Variants in BRD8 observed in about 807,000 individuals in gnomAD.
BRD8 encodes bromodomain containing 8.
In BRD8, 67 loss-of-function variants were observed where a neutral mutation model predicts 143.1. The observed-to-expected ratio is 0.47, with a 90% CI of 0.38 to 0.57. The LOEUF is 0.57. BRD8 is among the 20% of genes least tolerant of loss of function. The pLI, the probability that BRD8 is intolerant of heterozygous loss-of-function variation, is 0.00. For missense variants in BRD8, 1,103 were observed against 1,503.0 expected, an observed-to-expected ratio of 0.73 and a Z score of 4.40; for synonymous variants, 505 against 517.1, an observed-to-expected ratio of 0.98 and a Z score of 0.32.
At position 138,140,134 on chromosome 5, in the gene BRD8, G is replaced by A; in HGVS notation, c.3648C>T (p.Gly1216=). 6.2e-7 allele frequency: 1 copy of A among 1,613,836 alleles called. No individual in the cohort carries two copies. Among genetic ancestry groups the A allele is most frequent in the Non-Finnish European group, 8.5e-7 (1 of 1,179,766 alleles). ...CTGGTTCTCCTTCCAGACTACTTGA[G>A]CCTTTTCTTTTGTCTAACCAGATAT... ...VLNIWLDKRK[G]SSSLEGEPAN... is the part of the protein sequence containing the mutation. The change falls in exon 27 of 27, where the codon GGC becomes GGT. Residue 1216 remains glycine, a synonymous_variant. Coordinates refer to ENST00000254900, the MANE Select transcript of BRD8 (RefSeq NM_139199.2).
At chr5:138,160,295 C>A in intron 18 of BRD8, 122 bp from the exon 19 acceptor site, 1 of 688,440 alleles carries the variant, frequency 1.5e-6, no homozygotes, top group Non-Finnish European at 2.5e-6. Flanking sequence ...TATATTTTGA[C>A]TGATTGGAAG....
intron 2 of BRD8, among the ~76,000 whole-genome samples, chr5:138,176,747 A>G (rs1429202961): frequency 2.0e-5 from 3 of 152,104 alleles, no homozygotes; most frequent in Non-Finnish European, 4.4e-5. Flanking sequence ...ATTATATTGT[A>G]CATTTTAAGT....
chr5:138,165,743 A>C (rs1753358607), intron 11 of BRD8, 85 bp downstream of exon 11: 2 of 1,389,312 alleles, frequency 1.4e-6, no homozygotes, highest in African/African-American at 1.5e-5. Context: ...AAAAAAAAAA[A>C]AGCAGCAGCA....
chr5:138,149,957 G>C (rs1226017918), intron 22 of BRD8, among the ~76,000 whole-genome samples, 160 bp from the exon 23 acceptor site: 1 of 152,158 alleles, frequency 6.6e-6, no homozygotes, highest in African/African-American at 2.4e-5. Flanking sequence ...CTAGATTTAA[G>C]TTAATGAGTT....
At chr5:138,144,002 C>T (rs748116507) in intron 25 of BRD8, among the ~76,000 whole-genome samples, 2 of 152,332 alleles carry the variant, frequency 1.3e-5, no homozygotes, top group South Asian at 2.1e-4. Flanking sequence ...TCTTGCTGCT[C>T]CTCACTCTTT....
chr5:138,152,581 T>C lies in BRD8; in HGVS notation c.2757A>G (p.Arg919=). 6.2e-7 allele frequency: 1 copy of C among 1,614,214 alleles called. No individual in the cohort carries two copies. The change falls in exon 21 of 27, where the codon AGA becomes AGG. Residue 919 remains arginine, a synonymous_variant. Transcript: ENST00000254900. The part of the protein sequence containing the change: ...AEELEESSPE[R]EPSELLVGDG... ...CCCCAACAAGCAGTTCACTAGGTTC[T>C]CTCTCCGGGCTGCTTTCCTCTAGTT...
chr5:138,157,427 G>A (rs912232105), intron 20 of BRD8, among the ~76,000 whole-genome samples: 1 of 152,098 alleles, frequency 6.6e-6, no homozygotes, highest in African/African-American at 2.4e-5. Flanking sequence ...CCCACAGAGT[G>A]GCTAAAGAAC....
intron 2 of BRD8, 94 bp from the exon 3 acceptor site, chr5:138,172,228 A>T: frequency 9.3e-7 from 1 of 1,072,588 alleles, no homozygotes. Flanking sequence ...ACTTTGGAAT[A>T]AAAAAGATGC....
rs757405786 is a variant in BRD8, at chr5:138,166,060, T to C, written c.1046A>G (p.His349Arg). The C allele has an allele frequency of 6.2e-7, 1 of 1,614,120 alleles. No homozygotes were observed. Residue 349 changes from histidine (H) to arginine (R), a missense_variant, in exon 11 of 27, where the codon CAT (histidine) becomes CGT (arginine). His to Arg is a conservative substitution (Grantham distance 29). This residue lies in a region of BRD8 where 334 missense variants were observed against 372.5 expected (regional missense o/e 0.90). Transcript: ENST00000254900. ...CVPMEAVGDPHTVTVSMDSSE... is the reference protein window; with the variant it reads ...CVPMEAVGDPRTVTVSMDSSE... ...GCTGTCCATGGAAACAGTCACAGTA[T>C]GTGGATCCCCCACAGCCTCCATGGG...
intron 25 of BRD8, among the ~76,000 whole-genome samples, chr5:138,141,393 G>A (rs1409193599): frequency 6.6e-6 from 1 of 152,222 alleles, no homozygotes; most frequent in African/African-American, 2.4e-5. Flanking sequence ...GCCTCCCAAA[G>A]TACTGGGATT....
Position 138,164,776 on chromosome 5 carries a change from C to T in BRD8, c.1669G>A (p.Val557Ile), listed in dbSNP as rs1753266675. The change falls in exon 12 of 27, where the codon GTT becomes ATT. Residue 557 changes from valine (V) to isoleucine (I), a missense_variant. By Grantham distance (29) the Val-to-Ile change is conservative (BLOSUM62 3). Coordinates refer to ENST00000254900, the MANE Select transcript of BRD8 (RefSeq NM_139199.2). ...TTCCCAATGGCAACATCTGCTTCAA[C>T]AATCTCTCCAGCTGCAGTACTTCCC... ...ELGSTAAGEI[V>I]EADVAIGKGD... The T allele has an allele frequency of 3.1e-6, 5 of 1,614,242 alleles. No homozygotes were observed. The highest frequency in any genetic ancestry group is 4.2e-6 in the Non-Finnish European group (5 of 1,180,046).
At chr5:138,151,687 G>A (rs950414838) in intron 21 of BRD8, among the ~76,000 whole-genome samples, 7 of 152,010 alleles carry the variant, frequency 4.6e-5, no homozygotes, top group East Asian at 1.9e-4. Flanking sequence ...CTTTTGAGAC[G>A]GAGTCTCGCT....
rs1194407925 is a variant in BRD8, at chr5:138,166,523, G to A, written c.992C>T (p.Ala331Val). 6.2e-7 allele frequency: 1 copy of A among 1,605,886 alleles called. No individual in the cohort carries two copies. Among genetic ancestry groups the A allele is most frequent in the Non-Finnish European group, 8.5e-7 (1 of 1,175,038 alleles). ...GTGGCTGCTCAGGGACGCACCTGGA[G>A]CTACACTTTCAGTAGTGGAGACAGC... ...APAVSTTESV[A>V]PVSQPDNCVP... The change falls in exon 10 of 27, where the codon GCT becomes GTT. Residue 331 changes from alanine to valine, a missense_variant. By Grantham distance (64) the Ala-to-Val change is moderately conservative. Around this residue, in one of 7 missense-constraint regions of BRD8, gnomAD observed 334 missense variants for 372.5 expected, o/e 0.90. Coordinates refer to ENST00000254900, the MANE Select transcript of BRD8 (RefSeq NM_139199.2).
rs187788601 is a variant in BRD8 at position 138,141,116 on chromosome 5, G to A, written c.3438-234C>T. 9.5e-4 allele frequency among the ~76,000 whole-genome samples: 144 copies of A among 151,706 alleles called. 1 individual carries two copies. Among genetic ancestry groups the A allele is most frequent in the Non-Finnish European group, 1.5e-3 (101 of 67,944 alleles). ...TCCTCTCAATAAACCTGTAAGGTAG[G>A]TATCATTAATATCTCATTTTTTTTT... On this transcript the variant is annotated intron_variant, in intron 25 of 26. Transcript: ENST00000254900.
intron 14 of BRD8, chr5:138,163,558 A>G (rs1313587891): frequency 6.8e-7 from 1 of 1,468,426 alleles, no homozygotes; most frequent in South Asian, 1.3e-5. Context: ...AGGATCTTTT[A>G]AAAAGAAAGA....
At position 138,140,835 on chromosome 5, in the gene BRD8, A is replaced by T. The variant is rs1561595746; in HGVS notation, c.3485T>A (p.Ile1162Asn). 2 of 1,614,202 alleles carry T rather than the reference A, an allele frequency of 1.2e-6. No homozygotes were observed. Among genetic ancestry groups the T allele is most frequent in the East Asian group, 4.5e-5 (2 of 44,880 alleles). ...SLKRNLSKGR[I>N]RTMAQFLRDL... ...TCGCAGGAATTGGGCCATGGTGCGAATCCGACCCTTAGAGAGATTTCTCTT... is the reference window on the plus strand; with the variant it reads ...TCGCAGGAATTGGGCCATGGTGCGATTCCGACCCTTAGAGAGATTTCTCTT... The change falls in exon 26 of 27, where the codon ATT (isoleucine) becomes AAT (asparagine). Residue 1162 changes from isoleucine to asparagine, a missense_variant. Physicochemically the swap from Ile to Asn is moderately radical, Grantham distance 149 (BLOSUM62 -3). Transcript: ENST00000254900.
chr5:138,167,967 G>C lies in BRD8; in HGVS notation c.754C>G (p.Pro252Ala), dbSNP rs747461661. The C allele has an allele frequency of 2.5e-6, 4 of 1,613,676 alleles. No homozygotes were observed. In the South Asian group the frequency reaches 4.4e-5, roughly 18 times the overall value. ...MIHGGEIQQT[P>A]NTVAASPAAS... ...GCAGGGGAGGCTGCAACAGTATTGG[G>C]TGTTTGCTGTATCTCCCCACCATGT... is the stretch of plus-strand genomic sequence containing the variant. The change falls in exon 9 of 27, where the codon CCC (proline) becomes GCC (alanine). Residue 252 changes from proline (P) to alanine (A), a missense_variant. Around this residue, in one of 7 missense-constraint regions of BRD8, gnomAD observed 334 missense variants for 372.5 expected, o/e 0.90. Transcript: ENST00000254900.
Position 138,171,375 on chromosome 5 carries a change from G to A in BRD8, c.222C>T (p.Thr74=). 6.2e-7 allele frequency: 1 copy of A among 1,603,274 alleles called. No homozygotes were observed. Among genetic ancestry groups the A allele is most frequent in the Admixed American group, 1.7e-5 (1 of 58,988 alleles). Residue 74 remains threonine (T), a synonymous_variant, in exon 4 of 27, where the codon ACC becomes ACT. Coordinates refer to ENST00000254900, the MANE Select transcript of BRD8 (RefSeq NM_139199.2). ...TTTGTACTCACTTTGGTGTCTCAGT[G>A]GTCTCTAAAAGCTCCGAGTACTGGG... ...CASQYSELLE[T]TETPKRKRGE... is the part of the protein sequence containing the mutation.
At chr5:138,166,868 C>CTATATCCT (rs1209117105) in intron 9 of BRD8, 141 bp from the exon 10 acceptor site, 1 of 639,558 alleles carries the variant, frequency 1.6e-6, no homozygotes, top group African/African-American at 1.8e-5. Flanking sequence ...AGTTCATCAT[C>CTATATCCT]TATATCCTTA....
Sources: gnomAD v4.1 joint callset for allele counts (sites outside exome capture counted in the v4.1 genomes callset) on GRCh38, gnomAD v4.1.1 for gene constraint, gnomAD v4.1.1 regional missense constraint, MANE v1.5 for transcripts, NCBI Gene and HGNC (gene_info 2026-07-23, HGNC 2026-07-21) for gene names.